A1BG: variants seen among roughly 807,000 people sequenced by gnomAD.
A1BG encodes the protein alpha-1-B glycoprotein.
A neutral mutation model predicts 46.0 loss-of-function variants in A1BG; 44 were observed. The observed-to-expected ratio is 0.96, with a 90% CI of 0.75 to 1.23. A1BG has a LOEUF of 1.23. Ranked by LOEUF, A1BG falls within the 50% of genes most tolerant of loss-of-function variation. A1BG has a pLI of 0.00. For synonymous variants in A1BG, 316 were observed against 314.7 expected, an observed-to-expected ratio of 1.00 and a Z score of -0.04; for missense variants, 707 against 688.8, an observed-to-expected ratio of 1.03 and a Z score of -0.30.
chr19:58,350,262 C>A, intron 6 of A1BG, 108 bp downstream of exon 6: 1 of 1,372,082 alleles, frequency 7.3e-7, no homozygotes. Flanking sequence ...GGGGCTGAAC[C>A]AAGGCCCAGA....
intron 5 of A1BG, chr19:58,351,048 G>A: frequency 2.2e-6 from 1 of 456,372 alleles, no homozygotes; most frequent in Non-Finnish European, 4.0e-6. Context: ...CCGGTGCTCA[G>A]AGTTTGCTAA....
intron 4 of A1BG, chr19:58,352,045 C>G: frequency 7.3e-7 from 1 of 1,370,002 alleles, no homozygotes; most frequent in African/African-American, 1.5e-5. Flanking sequence ...CCGCTGGCCT[C>G]AGCCTCCCAA....
At position 58,346,848 on chromosome 19, in the gene A1BG, A is replaced by G. The variant is rs1487874031; in HGVS notation, c.*174T>C. 2.5e-5 allele frequency: 19 copies of G among 756,606 alleles called. No homozygotes were observed. The highest frequency in any genetic ancestry group is 4.4e-5 in the South Asian group (3 of 68,724). The allele number at this position is 756,606 out of a possible 1,614,324, so 46.9% of individuals were successfully genotyped here. A position where few individuals can be genotyped will look rare whatever the true frequency, so the allele number is the denominator to read the frequency against. On this transcript the variant is annotated 3_prime_UTR_variant, in exon 8 of 8. Transcript: ENST00000263100. ...CAGCCCACTCAGCCCTGGGAGTCCA[A>G]AGACATTTTAAACAGAGCCTCTCTT...
Position 58,347,333 on chromosome 19 carries a change from G to C in A1BG, c.1480+20C>G, listed in dbSNP as rs1335989611. The stretch of plus-strand genomic sequence containing the variant: ...ACATCAGCAGACGGAACCAGCACCC[G>C]GGACCCAGGGAAACGTCACCTGCCA... On this transcript the variant is annotated intron_variant, in intron 7 of 7. Transcript: ENST00000263100. The C allele has an allele frequency of 1.2e-6, 2 of 1,609,090 alleles. No individual in the cohort carries two copies. Among genetic ancestry groups the C allele is most frequent in the African/African-American group, 2.7e-5 (2 of 74,914 alleles).
intron 5 of A1BG, chr19:58,351,189 C>T: frequency 1.5e-6 from 1 of 689,496 alleles, no homozygotes; most frequent in Non-Finnish European, 2.4e-6. Flanking sequence ...GACCTGTTCA[C>T]CCAGTTATTC....
At chr19:58,347,276 G>C (rs768783457) in intron 7 of A1BG, 77 bp downstream of exon 7, 435 of 1,583,308 alleles carry the variant, frequency 2.7e-4, no homozygotes, top group Non-Finnish European at 3.0e-4. Flanking sequence ...AGCCGGGAGA[G>C]GCCCTCCTGG....
At chr19:58,352,753 G>A (rs755060920) in intron 3 of A1BG, 175 bp downstream of exon 3, 19 of 1,167,534 alleles carry the variant, frequency 1.6e-5, no homozygotes, top group Middle Eastern at 3.0e-4. Context: ...ACGGCATGCC[G>A]GGCCTGCTGG....
At chr19:58,350,308 G>A in intron 6 of A1BG, 62 bp downstream of exon 6, 1 of 1,473,458 alleles carries the variant, frequency 6.8e-7, no homozygotes, top group South Asian at 1.4e-5. Flanking sequence ...AGAGGGGAAA[G>A]ACAGGAGGCC....
intron 4 of A1BG, 102 bp downstream of exon 4, chr19:58,352,181 G>C (rs765783806): frequency 6.5e-7 from 1 of 1,534,578 alleles, no homozygotes; most frequent in Non-Finnish European, 8.7e-7. Context: ...TCCTGGACCT[G>C]GTCCTGGGCA....
At chr19:58,350,316 GCC>G in intron 6 of A1BG, 52 bp downstream of exon 6, 1 of 1,485,600 alleles carries the variant, frequency 6.7e-7, no homozygotes, top group East Asian at 2.6e-5. Context: ...AAGACAGGAG[GCC>G]CCGAGGGGCA....
intron 4 of A1BG, 167 bp downstream of exon 4, chr19:58,352,116 T>C (rs777797606): frequency 2.7e-6 from 4 of 1,464,034 alleles, no homozygotes; most frequent in Non-Finnish European, 3.6e-6. Context: ...TCTTTGGGCA[T>C]CCTCTGCCCA....
At chr19:58,347,701 C>CGCCCCAGGCCGCG in intron 6 of A1BG, 61 bp from the exon 7 acceptor site, 4 of 437,122 alleles carry the variant, frequency 9.2e-6, no homozygotes, top group Admixed American at 6.4e-5. Flanking sequence ...CCAGGCCACA[C>CGCCCCAGGCCGCG]CCCAGGCCAC....
Position 58,346,995 on chromosome 19 carries a change from C to G in A1BG, c.*27G>C. ...GAATCCCCGGCACTTCTGAGGACACCAACAGCACCCTGGGCCCGCGGCTGC... is the reference window on the plus strand; with the variant it reads ...GAATCCCCGGCACTTCTGAGGACACGAACAGCACCCTGGGCCCGCGGCTGC... On this transcript the variant is annotated 3_prime_UTR_variant, in exon 8 of 8. Transcript: ENST00000263100. 1 of 1,614,036 alleles carries G rather than the reference C, an allele frequency of 6.2e-7. No homozygotes were observed. The highest frequency in any genetic ancestry group is 8.5e-7 in the Non-Finnish European group (1 of 1,179,942).
At chr19:58,348,744 T>C (rs946090885) in intron 6 of A1BG, 1 of 152,224 alleles carries the variant, frequency 6.6e-6, no homozygotes, top group Non-Finnish European at 1.5e-5. Flanking sequence ...TCTTGTAAGA[T>C]AGATATACAC....
chr19:58,347,727 C>CCAG, intron 6 of A1BG, 87 bp from the exon 7 acceptor site: 2 of 818,656 alleles, frequency 2.4e-6, no homozygotes, highest in African/African-American at 3.6e-5. Flanking sequence ...AGGCCGCGCC[C>CCAG]GCGCCTGCGC....
At chr19:58,350,764 G>T in intron 5 of A1BG, 113 bp from the exon 6 acceptor site, 1 of 1,193,280 alleles carries the variant, frequency 8.4e-7, no homozygotes, top group Non-Finnish European at 1.1e-6. Flanking sequence ...CAATGACCTG[G>T]CCAGCTTCCT....
rs1253053425 is a variant in A1BG, at chr19:58,353,195, A to T, written c.73T>A (p.Tyr25Asn). ...GCCCACAGGCTGGGCTGCGTCTCAT[A>T]AACTGCAAGGGGTGGCTGGGATCAG... ...WGPVTEAAIF[Y>N]ETQPSLWAES... The change falls in exon 3 of 8, where the codon TAT becomes AAT. Residue 25 changes from tyrosine to asparagine, a missense_variant and splice_region_variant. Tyr to Asn is a moderately radical substitution (Grantham distance 143, BLOSUM62 -2). Transcript: ENST00000263100. The T allele has an allele frequency of 1.2e-6, 2 of 1,613,614 alleles. No individual in the cohort carries two copies. Among genetic ancestry groups the T allele is most frequent in the Non-Finnish European group, 1.7e-6 (2 of 1,179,668 alleles).
Position 58,347,364 on chromosome 19 carries a change from A to C in A1BG, c.1469T>G (p.Leu490Arg), listed in dbSNP as rs2051920612. The C allele has an allele frequency of 6.2e-7, 1 of 1,611,896 alleles. No individual in the cohort carries two copies. The highest frequency in any genetic ancestry group is 1.7e-5 in the Admixed American group (1 of 60,006). Reference sequence around the variant, plus strand: ...CAGGGAAACGTCACCTGCCACCAGGAGCTCCACAGGGTCGCTGAGCTCCGA... The same window carrying C: ...CAGGGAAACGTCACCTGCCACCAGGCGCTCCACAGGGTCGCTGAGCTCCGA... ...FESELSDPVELLVAES is the reference protein window; with the variant it reads ...FESELSDPVERLVAES Residue 490 changes from leucine to arginine, a missense_variant, in exon 7 of 8, where the codon CTC becomes CGC. Leu to Arg is a moderately radical substitution (Grantham distance 102, BLOSUM62 -2). Transcript: ENST00000263100.
Position 58,353,483 on chromosome 19 carries a change from C to G in A1BG, c.-46G>C. 3 of 1,571,326 alleles carry G rather than the reference C, an allele frequency of 1.9e-6. No individual in the cohort carries two copies. The highest frequency in any genetic ancestry group is 2.6e-6 in the Non-Finnish European group (3 of 1,160,306). On this transcript the variant is annotated 5_prime_UTR_variant, in exon 1 of 8. Transcript: ENST00000263100. ...TGCAGTGAGTGTCTGGGGTGAGCGT[C>G]TGCAGCAATGAGGCCCCAAGGGAGG...
Sources: gnomAD v4.1 joint callset for allele counts on GRCh38, gnomAD v4.1.1 for gene constraint, MANE v1.5 for transcripts, NCBI Gene and HGNC (gene_info 2026-07-23, HGNC 2026-07-21) for gene names.